AGPAT4: variants seen among roughly 807,000 people sequenced by gnomAD.
The protein encoded by AGPAT4 is 1-acyl-sn-glycerol-3-phosphate acyltransferase delta.
AGPAT4 carries 15 observed loss-of-function variants against 48.0 expected under a neutral mutation model. That is an observed-to-expected ratio of 0.31 (90% CI 0.21 to 0.48). The LOEUF is 0.48. Ranked by LOEUF, AGPAT4 falls within the 20% of genes least tolerant of loss-of-function variation. The pLI is 0.99. For synonymous variants in AGPAT4, 178 were observed against 198.7 expected, an observed-to-expected ratio of 0.90 and a Z score of 0.88; for missense variants, 314 against 482.5, an observed-to-expected ratio of 0.65 and a Z score of 3.27.
chr6:161,168,292 G>A (rs1562321544), intron 2 of AGPAT4, among the ~76,000 whole-genome samples: 1 of 152,234 alleles, frequency 6.6e-6, no homozygotes, highest in East Asian at 1.9e-4. Context: ...CTGGCCAAAG[G>A]CCACAGATAA....
intron 2 of AGPAT4, among the ~76,000 whole-genome samples, chr6:161,182,690 T>C (rs528668586): frequency 6.6e-5 from 10 of 152,312 alleles, no homozygotes; most frequent in Non-Finnish European, 1.2e-4. Flanking sequence ...ATGGCCTGGC[T>C]CCTGGAGCCT....
At position 161,218,469 on chromosome 6, in the gene AGPAT4, G is replaced by T. The variant is rs1242671308; in HGVS notation, c.178+13567C>A. Among the ~76,000 whole-genome samples the T allele has an allele frequency of 2.0e-5, 3 of 152,188 alleles. No homozygotes were observed. The highest frequency in any genetic ancestry group is 2.0e-4 in the Admixed American group (3 of 15,286). ...GCAAGAATACCTTTACTTTACGTTT[G>T]TCTAGCACCTTACAATTTATTTCCC... On this transcript the variant is annotated intron_variant, in intron 2 of 8. Coordinates refer to ENST00000320285, the MANE Select transcript of AGPAT4 (RefSeq NM_020133.3). This position sits in a 1 kb window ranked among gnomAD's most constrained non-coding sequence, Gnocchi z 4.7.
rs1252645939 is a variant in AGPAT4, at chr6:161,171,950, C to A, written c.179-5533G>T. On this transcript the variant is annotated intron_variant, in intron 2 of 8. Transcript: ENST00000320285. This position sits in a 1 kb window ranked among gnomAD's most constrained non-coding sequence, Gnocchi z 4.4. ...ACCAAAAGTTTCCAACACATGAACTCTGGGGGACACATTCAGAACATAGCA... is the reference window on the plus strand; with the variant it reads ...ACCAAAAGTTTCCAACACATGAACTATGGGGGACACATTCAGAACATAGCA... Among the ~76,000 whole-genome samples the A allele has an allele frequency of 6.6e-6, 1 of 152,044 alleles. No individual in the cohort carries two copies. Among genetic ancestry groups the A allele is most frequent in the East Asian group, 1.9e-4 (1 of 5,180 alleles).
intron 7 of AGPAT4, among the ~76,000 whole-genome samples, chr6:161,145,435 G>A (rs1343471961): frequency 6.6e-6 from 1 of 151,640 alleles, no homozygotes; most frequent in African/African-American, 2.4e-5. Context: ...TCTGTGCAGT[G>A]ATGGTATAAA....
intron 2 of AGPAT4, among the ~76,000 whole-genome samples, chr6:161,213,647 A>G (rs568138716): frequency 4.6e-5 from 7 of 152,220 alleles, no homozygotes; most frequent in African/African-American, 1.7e-4. Context: ...ATTTACATAC[A>G]TAAGCCACTT....
intron 2 of AGPAT4, among the ~76,000 whole-genome samples, chr6:161,205,279 A>G (rs1186005881): frequency 6.6e-6 from 1 of 152,156 alleles, no homozygotes; most frequent in Non-Finnish European, 1.5e-5. Flanking sequence ...AGGCATGGTC[A>G]AAGAAACTCA....
Position 161,261,752 on chromosome 6 carries a change from C to T in AGPAT4, c.-90+12186G>A, listed in dbSNP as rs1278221549. Among the ~76,000 whole-genome samples, 1 of 152,158 alleles carries T rather than the reference C, an allele frequency of 6.6e-6. No homozygotes were observed. Among genetic ancestry groups the T allele is most frequent in the African/African-American group, 2.4e-5 (1 of 41,442 alleles). On this transcript the variant is annotated intron_variant, in intron 1 of 8. Coordinates refer to ENST00000320285, the MANE Select transcript of AGPAT4 (RefSeq NM_020133.3). This position sits in a 1 kb window ranked among gnomAD's most constrained non-coding sequence, Gnocchi z 5.3. The stretch of plus-strand genomic sequence containing the variant: ...GGGGGTTTCCTCCACCTGGTTTTGC[C>T]CTCTTTATTCCTTTTCTCTTTCTTT...
At chr6:161,273,792 A>ACCC (rs1327962322) in intron 1 of AGPAT4, 146 bp downstream of exon 1, 2 of 49,068 alleles carry the variant, frequency 4.1e-5, no homozygotes, top group East Asian at 6.4e-4. Flanking sequence ...CCCGCCTTGC[A>ACCC]CTCCCCCCCC....
rs951882255 is a variant in AGPAT4, at chr6:161,264,686, G to A, written c.-90+9252C>T. Among the ~76,000 whole-genome samples, 3 of 152,210 alleles carry A rather than the reference G, an allele frequency of 2.0e-5. No homozygotes were observed. Among genetic ancestry groups the A allele is most frequent in the Admixed American group, 1.3e-4 (2 of 15,284 alleles). ...CGGCTCCCTCTTTGTATTCCTGCGG[G>A]CTGAATGCACGGGCTCCCTAAGAAA... On this transcript the variant is annotated intron_variant, in intron 1 of 8. Coordinates refer to ENST00000320285, the MANE Select transcript of AGPAT4 (RefSeq NM_020133.3). The surrounding 1 kb of genome is among the most constrained non-coding windows in gnomAD (Gnocchi z 6.8).
At position 161,138,117 on chromosome 6, in the gene AGPAT4, C is replaced by T. The variant is rs1034881232; in HGVS notation, c.1042+1305G>A. Among the ~76,000 whole-genome samples, 2 of 152,218 alleles carry T rather than the reference C, an allele frequency of 1.3e-5. No individual in the cohort carries two copies. Among genetic ancestry groups the T allele is most frequent in the East Asian group, 1.9e-4 (1 of 5,188 alleles). ...GGGGCCCTGGCACCTGCAGCTGCCC[C>T]GGACCCTTGGCCAGCCTCAGCATGG... On this transcript the variant is annotated intron_variant, in intron 8 of 8. Transcript: ENST00000320285. This position sits in a 1 kb window ranked among gnomAD's most constrained non-coding sequence, Gnocchi z 4.8.
chr6:161,155,905 C>T lies in AGPAT4; in HGVS notation c.349-1595G>A, dbSNP rs1437659314. Among the ~76,000 whole-genome samples, 1 of 152,248 alleles carries T rather than the reference C, an allele frequency of 6.6e-6. No homozygotes were observed. The highest frequency in any genetic ancestry group is 1.5e-5 in the Non-Finnish European group (1 of 68,048). ...GCCAGGAAGGGGCCACAGACTAAAG[C>T]AGCAGCTGTTGGCCCTGGGAAGGTG... is the stretch of plus-strand genomic sequence containing the variant. On this transcript the variant is annotated intron_variant, in intron 3 of 8. Coordinates refer to ENST00000320285, the MANE Select transcript of AGPAT4 (RefSeq NM_020133.3). This position sits in a 1 kb window ranked among gnomAD's most constrained non-coding sequence, Gnocchi z 5.8.
intron 2 of AGPAT4, among the ~76,000 whole-genome samples, chr6:161,181,904 C>T (rs1250803369): frequency 6.6e-6 from 1 of 152,030 alleles, no homozygotes; most frequent in Admixed American, 6.6e-5. Flanking sequence ...GTGGGGTGGA[C>T]AAAAATCTTA....
chr6:161,228,542 A>G (rs926685897), intron 2 of AGPAT4, among the ~76,000 whole-genome samples: 5 of 147,368 alleles, frequency 3.4e-5, no homozygotes, highest in African/African-American at 5.0e-5. Flanking sequence ...TTCCAGGACA[A>G]TTAGGTCACT....
rs368048315 is a variant in AGPAT4 at position 161,225,088 on chromosome 6, G to A, written c.178+6948C>T. On this transcript the variant is annotated intron_variant, in intron 2 of 8. Coordinates refer to ENST00000320285, the MANE Select transcript of AGPAT4 (RefSeq NM_020133.3). The surrounding 1 kb of genome is among the most constrained non-coding windows in gnomAD (Gnocchi z 5.0). ...TTACCTGCTTCACCCTGACTCATTC[G>A]GATTATTACCTGCTCTACCCAGACT... Among the ~76,000 whole-genome samples, 146 of 142,408 alleles carry A rather than the reference G, an allele frequency of 1.0e-3. No individual in the cohort carries two copies. The highest frequency in any genetic ancestry group is 1.8e-3 in the Non-Finnish European group (117 of 66,476). The allele number at this position is 142,408 out of a possible 152,430, so 93.4% of individuals were successfully genotyped here.
chr6:161,263,266 G>A (rs572802244), intron 1 of AGPAT4, among the ~76,000 whole-genome samples: 1 of 152,298 alleles, frequency 6.6e-6, no homozygotes, highest in South Asian at 2.1e-4. Flanking sequence ...ACAACAGGCT[G>A]GGCGCAGTAG....
In AGPAT4 at chr6:161,130,363, A is replaced by G. The variant is rs1250565600; in HGVS notation, c.*6177T>C. Reference sequence around the variant, plus strand: ...CTCCTGGCCATTACTGCTTGCTTTTATGTACTGAAAAGTCATCCATTGAAT... The same window carrying G: ...CTCCTGGCCATTACTGCTTGCTTTTGTGTACTGAAAAGTCATCCATTGAAT... On this transcript the variant is annotated 3_prime_UTR_variant, in exon 9 of 9. Transcript: ENST00000320285. 1 of 154,440 alleles carries G rather than the reference A, an allele frequency of 6.5e-6. No homozygotes were observed. Among genetic ancestry groups the G allele is most frequent in the Non-Finnish European group, 1.4e-5 (1 of 69,456 alleles). The allele number at this position is 154,440 out of a possible 1,614,324, so 9.6% of individuals were successfully genotyped here. A position where few individuals can be genotyped will look rare whatever the true frequency, so the allele number is the denominator to read the frequency against.
chr6:161,193,456 C>G (rs576107689), intron 2 of AGPAT4, among the ~76,000 whole-genome samples: 4 of 152,298 alleles, frequency 2.6e-5, no homozygotes, highest in African/African-American at 9.6e-5. Flanking sequence ...CCAGAGCATC[C>G]GGGGGATCTG....
At chr6:161,256,254 G>A (rs182176685) in intron 1 of AGPAT4, among the ~76,000 whole-genome samples, 1 of 152,190 alleles carries the variant, frequency 6.6e-6, no homozygotes, top group Non-Finnish European at 1.5e-5. Flanking sequence ...GGAAGGATAC[G>A]AAAACCTGGC....
At chr6:161,260,677 A>AAC (rs1783075171) in intron 1 of AGPAT4, among the ~76,000 whole-genome samples, 1 of 150,382 alleles carries the variant, frequency 6.6e-6, no homozygotes, top group Non-Finnish European at 1.5e-5. Flanking sequence ...AAAAAAAAAA[A>AAC]AAAAACAGGA....
Sources: gnomAD v4.1 joint callset for allele counts (sites outside exome capture counted in the v4.1 genomes callset) on GRCh38, gnomAD v4.1.1 for gene constraint, Gnocchi (gnomAD v3.1) non-coding constraint, MANE v1.5 for transcripts, NCBI Gene and HGNC (gene_info 2026-07-23, HGNC 2026-07-21) for gene names.